Variants in SERF2 observed in about 807,000 individuals in gnomAD.
SERF2 encodes the protein gastric cancer-related protein VRG107.
Under a neutral mutation model 10.7 loss-of-function variants are expected in SERF2, and 4 were observed. The ratio of observed to expected loss-of-function variants is 0.37; its 90% CI spans 0.18 to 0.86. The LOEUF (loss-of-function observed/expected upper bound fraction) is 0.86, where lower values mean the gene tolerates loss of function less well. SERF2 is among the 40% of genes least tolerant of loss of function. SERF2 has a pLI of 0.43. For missense variants in SERF2, 47 were observed against 79.1 expected (o/e 0.59, Z 1.54); for synonymous variants, 26 against 26.0 (o/e 1.00, Z 0.01).
In SERF2 at chr15:43,795,178, T is replaced by G; in HGVS notation, c.*1405T>G. On this transcript the variant is annotated 3_prime_UTR_variant, in exon 3 of 3. Coordinates refer to ENST00000249786, the MANE Select transcript of SERF2 (RefSeq NM_001018108.4). ...GACCCAGAAGGTGGCCCAGCTACCC[T>G]TGATGAAGGTCTTTTCCAGTTCTGC... 6.2e-7 allele frequency: 1 copy of G among 1,614,098 alleles called. No homozygotes were observed. The highest frequency in any genetic ancestry group is 2.2e-5 in the East Asian group (1 of 44,884).
intron 2 of SERF2, among the ~76,000 whole-genome samples, chr15:43,786,731 C>T (rs1231492391): frequency 6.6e-6 from 1 of 152,134 alleles, no homozygotes; most frequent in Non-Finnish European, 1.5e-5. Flanking sequence ...ACAGCATGAC[C>T]AAGAACCAAG....
chr15:43,790,170 G>A (rs1039132960), upstream of SERF2, among the ~76,000 whole-genome samples: 9 of 151,004 alleles, frequency 6.0e-5, no homozygotes, highest in South Asian at 6.3e-4. Context: ...TTATCCGGGC[G>A]TGGTGGCGGG....
At chr15:43,784,890 C>T (rs376745240) in intron 1 of SERF2, among the ~76,000 whole-genome samples, 4 of 142,702 alleles carry the variant, frequency 2.8e-5, no homozygotes, top group East Asian at 2.1e-4. Context: ...GTAGCTGGGA[C>T]TATAGGCGCG....
intron 2 of SERF2, chr15:43,793,507 C>T (rs1052079776): frequency 7.1e-5 from 103 of 1,443,414 alleles, no homozygotes; most frequent in Non-Finnish European, 9.3e-5. Flanking sequence ...ACTTCTGACC[C>T]CTTGGGCAAC....
upstream of SERF2, among the ~76,000 whole-genome samples, chr15:43,790,141 CAAAA>C (rs1181656395): frequency 1.9e-5 from 2 of 105,092 alleles, no homozygotes; most frequent in African/African-American, 3.6e-5. Context: ...GACTCCATCT[CAAAA>C]AAAAAAAAAA....
At chr15:43,781,556 C>T (rs992452456) in intron 1 of SERF2, among the ~76,000 whole-genome samples, 1 of 148,684 alleles carries the variant, frequency 6.7e-6, no homozygotes, top group African/African-American at 2.5e-5. Context: ...AAACAAACAA[C>T]AAAAGAAAAA....
At chr15:43,791,252 T>A, upstream of SERF2, among the ~76,000 whole-genome samples, 1 of 144,484 alleles carries the variant, frequency 6.9e-6, no homozygotes, top group East Asian at 2.0e-4. Context: ...TCTTATTAAC[T>A]TTTTTTTTAG....
upstream of SERF2, among the ~76,000 whole-genome samples, chr15:43,790,141 C>CAA (rs1181656395): frequency 1.0e-4 from 11 of 105,088 alleles, no homozygotes; most frequent in African/African-American, 3.2e-4. Flanking sequence ...GACTCCATCT[C>CAA]AAAAAAAAAA....
upstream of SERF2, chr15:43,792,216 G>C: frequency 1.5e-6 from 1 of 684,362 alleles, no homozygotes. Context: ...ACGACCCGTG[G>C]ATCCACGTGC....
chr15:43,790,368 G>C (rs1596037254), upstream of SERF2, among the ~76,000 whole-genome samples: 1 of 151,820 alleles, frequency 6.6e-6, no homozygotes, highest in East Asian at 1.9e-4. Flanking sequence ...ATGGATATTA[G>C]AGAGAGAGAG....
At chr15:43,786,686 G>A (rs1361221159) in intron 2 of SERF2, among the ~76,000 whole-genome samples, 1 of 152,122 alleles carries the variant, frequency 6.6e-6, no homozygotes, top group Non-Finnish European at 1.5e-5. Context: ...ACTCAATGTA[G>A]AACAAATGTT....
At position 43,795,131 on chromosome 15, in the gene SERF2, A is replaced by G. The variant is rs1317741426; in HGVS notation, c.*1358A>G. 1.9e-6 allele frequency: 3 copies of G among 1,614,162 alleles called. No homozygotes were observed. Among genetic ancestry groups the G allele is most frequent in the Non-Finnish European group, 2.5e-6 (3 of 1,180,032 alleles). ...AACAGCCCCAGATAGAGGAGTACGC[A>G]GGCCCAGCATGAGGCAACCTTGACC... On this transcript the variant is annotated 3_prime_UTR_variant, in exon 3 of 3. Coordinates refer to ENST00000249786, the MANE Select transcript of SERF2 (RefSeq NM_001018108.4).
intron 1 of SERF2, among the ~76,000 whole-genome samples, chr15:43,779,788 C>T (rs957125081): frequency 1.3e-5 from 2 of 152,152 alleles, no homozygotes; most frequent in African/African-American, 4.8e-5. Context: ...TCTCCATGCT[C>T]AGCCAAAATT....
intron 1 of SERF2, among the ~76,000 whole-genome samples, chr15:43,780,725 C>T (rs2086957992): frequency 6.6e-6 from 1 of 152,076 alleles, no homozygotes; most frequent in South Asian, 2.1e-4. Context: ...AATACTGAAC[C>T]TGAATAATGA....
At chr15:43,787,008 T>C (rs909164312) in intron 2 of SERF2, among the ~76,000 whole-genome samples, 2 of 151,038 alleles carry the variant, frequency 1.3e-5, no homozygotes, top group African/African-American at 4.9e-5. Context: ...TTTTTTGTTT[T>C]TTTTTTTTTG....
At chr15:43,785,543 C>T (rs191299500) in intron 2 of SERF2, 18 of 152,038 alleles carry the variant, frequency 1.2e-4, no homozygotes, top group Admixed American at 9.2e-4. Context: ...AGGTGCGTAC[C>T]ACCACTCCTG....
upstream of SERF2, among the ~76,000 whole-genome samples, chr15:43,787,491 G>C (rs957570580): frequency 6.6e-6 from 1 of 152,088 alleles, no homozygotes; most frequent in Non-Finnish European, 1.5e-5. Context: ...TCTGCCTCCC[G>C]GGTTCAAGTG....
upstream of SERF2, among the ~76,000 whole-genome samples, chr15:43,789,835 C>G (rs1474125808): frequency 1.3e-5 from 2 of 151,890 alleles, no homozygotes. Context: ...TGGTGAAACC[C>G]TGTCTCTACT....
upstream of SERF2, among the ~76,000 whole-genome samples, chr15:43,788,273 G>A (rs1403391544): frequency 6.6e-6 from 1 of 152,080 alleles, no homozygotes; most frequent in African/African-American, 2.4e-5. Flanking sequence ...GCTTCCCAAA[G>A]TGCTGAGATT....
Sources: gnomAD v4.1 joint callset for allele counts (sites outside exome capture counted in the v4.1 genomes callset) on GRCh38, gnomAD v4.1.1 for gene constraint, MANE v1.5 for transcripts, NCBI Gene and HGNC (gene_info 2026-07-23, HGNC 2026-07-21) for gene names.